Variants in UPRT observed in about 807,000 individuals in gnomAD.
UPRT encodes uracil phosphoribosyltransferase homolog, also known as RP11-311P8.3.
A neutral mutation model predicts 22.6 loss-of-function variants in UPRT; 5 were observed. The ratio of observed to expected loss-of-function variants is 0.22; its 90% confidence interval spans 0.12 to 0.47. UPRT has a LOEUF of 0.47. Among genes scored for constraint, UPRT ranks in the 20% least tolerant of loss-of-function variants. UPRT has a pLI of 0.99. For missense variants in UPRT, 181 were observed against 239.9 expected (o/e 0.75, Z 1.62); for synonymous variants, 77 against 87.7 (o/e 0.88, Z 0.68).
intron 4 of UPRT, among the ~76,000 whole-genome samples, chrX:75,247,878 C>T (rs981144805): frequency 3.6e-5 from 4 of 111,703 alleles, no homozygotes; most frequent in Admixed American, 9.5e-5. Context: ...GACAAAACTT[C>T]CAGAGGAACG....
intron 4 of UPRT, among the ~76,000 whole-genome samples, chrX:75,241,494 C>G (rs1338718199): frequency 9.0e-6 from 1 of 111,445 alleles, no homozygotes; most frequent in Non-Finnish European, 1.9e-5. Context: ...ACTAGTATAA[C>G]CACTATGGAA....
chrX:75,217,365 G>A (rs771405736), intron 4 of UPRT, among the ~76,000 whole-genome samples: 3 of 111,231 alleles, frequency 2.7e-5, no homozygotes, highest in East Asian at 2.8e-4. Context: ...GCTTGATGGG[G>A]ATGGCATTGA....
chrX:75,233,356 C>T, intron 4 of UPRT, among the ~76,000 whole-genome samples: 1 of 111,592 alleles, frequency 9.0e-6, no homozygotes, highest in East Asian at 2.8e-4. Context: ...AGTTGGAAAA[C>T]ACTCTGCAGG....
intron 1 of UPRT, among the ~76,000 whole-genome samples, chrX:75,159,967 G>A (rs1265756527): frequency 1.8e-5 from 2 of 108,895 alleles, no homozygotes. Flanking sequence ...TAGTAGAGAC[G>A]GGGTTTCACC....
chrX:75,178,127 A>C (rs774894256), intron 4 of UPRT, among the ~76,000 whole-genome samples: 3 of 112,361 alleles, frequency 2.7e-5, no homozygotes, highest in African/African-American at 9.7e-5. Flanking sequence ...CCAGAAGTAC[A>C]GGAAAAGCGG....
chrX:75,236,670 A>G (rs1049228936), intron 4 of UPRT, among the ~76,000 whole-genome samples: 3 of 112,375 alleles, frequency 2.7e-5, no homozygotes, highest in Admixed American at 9.4e-5. Context: ...CTGATCTTTG[A>G]CAAACCTGAG....
intron 3 of UPRT, among the ~76,000 whole-genome samples, chrX:75,166,880 G>A (rs774857428): frequency 8.0e-5 from 9 of 112,054 alleles, no homozygotes; most frequent in East Asian, 2.8e-4. Flanking sequence ...TGTGATCCAC[G>A]TTGTGACATA....
chrX:75,163,662 C>T (rs1343140961), intron 3 of UPRT, among the ~76,000 whole-genome samples: 1 of 111,695 alleles, frequency 9.0e-6, no homozygotes, highest in Non-Finnish European at 1.9e-5. Context: ...TTTAGAATAG[C>T]CAAAAAGTAG....
At chrX:75,168,654 C>T (rs757528961) in intron 4 of UPRT, among the ~76,000 whole-genome samples, 1 of 111,041 alleles carries the variant, frequency 9.0e-6, no homozygotes, top group Non-Finnish European at 1.9e-5. Context: ...CTCAGCCTCC[C>T]GAATAGCTGG....
In UPRT at chrX:75,293,514, G is replaced by C; in HGVS notation, c.429G>C (p.Leu143Phe). The change falls in exon 2 of 7, where the codon TTG becomes TTC. Residue 143 changes from leucine to phenylalanine, a missense_variant and splice_region_variant. Physicochemically the swap from Leu to Phe is conservative, Grantham distance 22. Transcript: ENST00000373383. ...ACTTCATGTTTTCTGCGGATCGTTT[G>C]GTAGGTGGGGGCTTTTCATTTTCAT... Reference protein sequence around the residue: ...RGDFMFSADRLIRLVVEEGLN... With the variant: ...RGDFMFSADRFIRLVVEEGLN... 8.3e-7 allele frequency: 1 copy of C among 1,199,296 alleles called. No homozygotes were observed. Among genetic ancestry groups the C allele is most frequent in the East Asian group, 3.0e-5 (1 of 33,550 alleles).
At chrX:75,180,016 C>T (rs980422972) in intron 4 of UPRT, among the ~76,000 whole-genome samples, 4 of 112,667 alleles carry the variant, frequency 3.6e-5, no homozygotes, top group African/African-American at 1.3e-4. Flanking sequence ...AAACTGGGAG[C>T]CCAGGCAGAG....
intron 1 of UPRT, among the ~76,000 whole-genome samples, chrX:75,274,999 A>G (rs768635455): frequency 1.8e-5 from 2 of 110,810 alleles, no homozygotes; most frequent in South Asian, 7.8e-4. Flanking sequence ...CACATGGTAA[A>G]CCTATAACCC....
intron 1 of UPRT, among the ~76,000 whole-genome samples, chrX:75,287,715 C>G (rs1367425232): frequency 9.0e-6 from 1 of 110,915 alleles, no homozygotes; most frequent in Non-Finnish European, 1.9e-5. Context: ...CTAAACACCT[C>G]AAAAAGTTAA....
At chrX:75,197,412 T>G (rs957328555) in intron 4 of UPRT, among the ~76,000 whole-genome samples, 13 of 111,840 alleles carry the variant, frequency 1.2e-4, no homozygotes, top group African/African-American at 3.9e-4. Flanking sequence ...GGCAACAGAA[T>G]CATATTCGTG....
intron 4 of UPRT, among the ~76,000 whole-genome samples, chrX:75,265,953 T>G (rs186723049): frequency 1.8e-5 from 2 of 111,503 alleles, no homozygotes; most frequent in East Asian, 5.6e-4. Flanking sequence ...TACAAACAAA[T>G]GGAAGAACAT....
intron 4 of UPRT, among the ~76,000 whole-genome samples, chrX:75,215,576 ATAT>A (rs1223429426): frequency 8.9e-6 from 1 of 111,997 alleles, no homozygotes; most frequent in African/African-American, 3.2e-5. Flanking sequence ...TAATAAAGAA[ATAT>A]TATGAACAAC....
rs1419660710 is a variant in UPRT at position 75,258,540 on chromosome X, A to G, written c.-446-32484A>G. On this transcript the variant is annotated intron_variant, in intron 4 of 13. Transcript: ENST00000652605. ...AACTGGGTGGAGCCAATGGCAGCTC[A>G]GCAAGGCCACTGTGGCCAGACTGCC... 2.7e-5 allele frequency among the ~76,000 whole-genome samples: 3 copies of G among 111,694 alleles called. No homozygotes were observed. The Admixed American group carries it at 2.9e-4, about 11-fold the overall frequency.
intron 4 of UPRT, among the ~76,000 whole-genome samples, chrX:75,179,363 C>G (rs1035340573): frequency 1.8e-5 from 2 of 112,724 alleles, no homozygotes; most frequent in Admixed American, 1.9e-4. Flanking sequence ...TTGAGCTAGA[C>G]ACAGGGTGCT....
chrX:75,259,638 T>A (rs1446673563), intron 4 of UPRT, among the ~76,000 whole-genome samples: 1 of 110,657 alleles, frequency 9.0e-6, no homozygotes, highest in Non-Finnish European at 1.9e-5. Flanking sequence ...ATTTAATTGG[T>A]GTACCTGAAA....
Sources: allele counts gnomAD v4.1 joint callset (sites outside exome capture counted in the v4.1 genomes callset), GRCh38; gene constraint gnomAD v4.1.1; transcripts MANE v1.5; gene names NCBI Gene and HGNC (gene_info 2026-07-23, HGNC 2026-07-21).